Variants in CCDC40 observed in about 807,000 individuals in gnomAD.
CCDC40 encodes the protein coiled-coil domain-containing protein 40.
A neutral mutation model predicts 124.5 loss-of-function variants in CCDC40; 104 were observed. That is an observed-to-expected ratio of 0.84 (90% CI 0.71 to 0.98). The LOEUF is 0.98. Ranked by LOEUF, CCDC40 falls within the 50% of genes least tolerant of loss-of-function variation. CCDC40 has a pLI of 0.00. For missense variants in CCDC40, 1,463 were observed against 1,503.9 expected, an observed-to-expected ratio of 0.97 and a Z score of 0.45; for synonymous variants, 580 against 602.9, an observed-to-expected ratio of 0.96 and a Z score of 0.56.
Position 80,086,111 on chromosome 17 carries a change from C to G in CCDC40, c.2344C>G (p.Gln782Glu). Residue 782 changes from glutamine to glutamate, a missense_variant, in exon 14 of 20, where the codon CAG (glutamine) becomes GAG (glutamate). Transcript: ENST00000397545. The surrounding 1 kb of genome is among the most constrained non-coding windows in gnomAD (Gnocchi z 5.5). ...CCAGGTGACCTGGCTGCGCCTGCAG[C>G]AGGAGATGGTCAAGGTGACACAGGA... Reference protein sequence around the residue: ...QAQVTWLRLQQEMVKVTQEQE... With the variant: ...QAQVTWLRLQEEMVKVTQEQE... 6.2e-7 allele frequency: 1 copy of G among 1,614,180 alleles called. No homozygotes were observed. The highest frequency in any genetic ancestry group is 1.1e-5 in the South Asian group (1 of 91,088).
At position 80,048,587 on chromosome 17, in the gene CCDC40, C is replaced by G; in HGVS notation, c.681C>G (p.Ile227Met). The G allele has an allele frequency of 6.2e-7, 1 of 1,611,750 alleles. No individual in the cohort carries two copies. The highest frequency in any genetic ancestry group is 8.5e-7 in the Non-Finnish European group (1 of 1,178,380). Reference sequence around the variant, plus strand: ...TGTCGCTGTCTCTCCCCCCAGTGATCCCCCCAGGGGTGCCCGATGCCCACC... The same window carrying G: ...TGTCGCTGTCTCTCCCCCCAGTGATGCCCCCAGGGGTGCCCGATGCCCACC... ...LEEFVSQEPV[I>M]PPGVPDAHPR... is the part of the protein sequence containing the mutation. Residue 227 changes from isoleucine to methionine, a missense_variant, in exon 5 of 20, where the codon ATC becomes ATG. Physicochemically the swap from Ile to Met is conservative, Grantham distance 10. Coordinates refer to ENST00000397545, the MANE Select transcript of CCDC40 (RefSeq NM_017950.4).
At chr17:80,098,285 A>G (rs866447324) in intron 19 of CCDC40, among the ~76,000 whole-genome samples, 4 of 152,344 alleles carry the variant, frequency 2.6e-5, no homozygotes, top group Middle Eastern at 3.4e-3. Context: ...GGAGAGCACA[A>G]TCATGACTTT....
chr17:80,042,535 C>T (rs1017058228), intron 3 of CCDC40, among the ~76,000 whole-genome samples: 3 of 152,126 alleles, frequency 2.0e-5, no homozygotes, highest in African/African-American at 7.2e-5. Flanking sequence ...TGCTAAAGTC[C>T]CTCACTAGTT....
intron 10 of CCDC40, among the ~76,000 whole-genome samples, chr17:80,077,767 G>A (rs546622716): frequency 2.2e-4 from 34 of 152,134 alleles, no homozygotes; most frequent in Non-Finnish European, 4.4e-4. Context: ...CGGCTTATTC[G>A]CTATTCCTGT....
chr17:80,053,562 G>A (rs2037660015), intron 7 of CCDC40, among the ~76,000 whole-genome samples: 1 of 152,162 alleles, frequency 6.6e-6, no homozygotes. Flanking sequence ...AATGCATACA[G>A]AATTCAGAAT....
chr17:80,040,626 C>G (rs550744407), intron 3 of CCDC40: 2 of 312,246 alleles, frequency 6.4e-6, no homozygotes, highest in African/African-American at 4.4e-5. Context: ...CTGCAGTGAG[C>G]CAAGATCCCA....
At chr17:80,082,765 GC>G (rs1456168112) in intron 12 of CCDC40, among the ~76,000 whole-genome samples, 3 of 152,056 alleles carry the variant, frequency 2.0e-5, no homozygotes, top group Non-Finnish European at 4.4e-5. Context: ...CAATCCCCAG[GC>G]CCCCGGGCCC....
At chr17:80,095,224 G>C (rs2038786155) in intron 17 of CCDC40, 39 bp from the exon 18 acceptor site, 13 of 1,602,912 alleles carry the variant, frequency 8.1e-6, no homozygotes, top group Non-Finnish European at 1.1e-5. Context: ...CTGCAGCTCA[G>C]GCCTGCCCCA....
In CCDC40 at chr17:80,050,062, A is replaced by G. The variant is rs750708201; in HGVS notation, c.940-2A>G. Reference sequence around the variant, plus strand: ...GTGACCCTGTTTCTCTCTTTGGTCCAGGTTGTGGCTACCAAGCAGAGCCGA... The same window carrying G: ...GTGACCCTGTTTCTCTCTTTGGTCCGGGTTGTGGCTACCAAGCAGAGCCGA... On this transcript the variant is annotated splice_acceptor_variant, in intron 6 of 19. Transcript: ENST00000397545. LOFTEE classifies it high-confidence loss of function. 2.4e-5 allele frequency: 39 copies of G among 1,613,754 alleles called. No individual in the cohort carries two copies. Among genetic ancestry groups the G allele is most frequent in the Non-Finnish European group, 2.9e-5 (34 of 1,179,954 alleles).
chr17:80,050,180 C>T lies in CCDC40; in HGVS notation c.1056C>T (p.His352=), dbSNP rs771256494. 9.9e-6 allele frequency: 16 copies of T among 1,613,090 alleles called. No homozygotes were observed. In the Middle Eastern group the frequency reaches 5.1e-4, roughly 52 times the overall value. Residue 352 remains histidine (H), a synonymous_variant, in exon 7 of 20, where the codon CAC becomes CAT. Transcript: ENST00000397545. ...QKLLEKSHDR[H]AMASSERRQK... is the part of the protein sequence containing the mutation. ...TGCTGGAGAAGAGTCACGACCGCCA[C>T]GCAATGGCCTCGAGCGAGCGCAGGC...
chr17:80,038,020 A>G, intron 1 of CCDC40, 103 bp from the exon 2 acceptor site: 1 of 756,098 alleles, frequency 1.3e-6, no homozygotes, highest in Non-Finnish European at 2.3e-6. Flanking sequence ...GGTGGCAGAG[A>G]AGTAACAAGT....
chr17:80,083,388 C>G (rs1221173452), intron 12 of CCDC40, among the ~76,000 whole-genome samples: 1 of 152,184 alleles, frequency 6.6e-6, no homozygotes, highest in Non-Finnish European at 1.5e-5. Flanking sequence ...TGGGAAGCCG[C>G]CCGTGGTGGC....
intron 17 of CCDC40, chr17:80,090,293 G>C (rs1443091109): frequency 7.7e-7 from 1 of 1,300,056 alleles, no homozygotes; most frequent in Non-Finnish European, 1.0e-6. Flanking sequence ...CACGGGACGC[G>C]CGCAGGCACG....
intron 10 of CCDC40, among the ~76,000 whole-genome samples, chr17:80,079,407 G>A (rs576365613): frequency 6.6e-6 from 1 of 152,068 alleles, no homozygotes; most frequent in Non-Finnish European, 1.5e-5. Context: ...AGTGTGTCCC[G>A]CTCTGCAGCT....
At chr17:80,065,396 AT>A (rs2038016262) in intron 9 of CCDC40, 88 bp from the exon 10 acceptor site, 5 of 1,552,222 alleles carry the variant, frequency 3.2e-6, no homozygotes, top group Middle Eastern at 1.7e-4. Context: ...AAAGAGGAAG[AT>A]TTGGGAATGT....
chr17:80,075,503 C>T (rs898578199), intron 10 of CCDC40, among the ~76,000 whole-genome samples: 1 of 152,164 alleles, frequency 6.6e-6, no homozygotes, highest in Non-Finnish European at 1.5e-5. Context: ...AGTCCCCGCT[C>T]ATGGTCAGGT....
At chr17:80,096,181 T>C (rs2038807330) in intron 18 of CCDC40, among the ~76,000 whole-genome samples, 1 of 152,034 alleles carries the variant, frequency 6.6e-6, no homozygotes, top group South Asian at 2.1e-4. Flanking sequence ...CAGCCGTGGG[T>C]GGGGAGGTGG....
At chr17:80,085,147 C>T (rs918539877) in intron 13 of CCDC40, among the ~76,000 whole-genome samples, 159 bp downstream of exon 13, 1 of 152,246 alleles carries the variant, frequency 6.6e-6, no homozygotes, top group Non-Finnish European at 1.5e-5. Flanking sequence ...GTGTGCCAAG[C>T]GCTCTAAGTC....
chr17:80,086,360 T>C lies in CCDC40; in HGVS notation c.2449+144T>C. On this transcript the variant is annotated intron_variant, in intron 14 of 19. Coordinates refer to ENST00000397545, the MANE Select transcript of CCDC40 (RefSeq NM_017950.4). The surrounding 1 kb of genome is among the most constrained non-coding windows in gnomAD (Gnocchi z 5.5). ...GCAAATAACAAACGCGCATGCTCCC[T>C]GTATTTTGTAAATGTGAACCACTGC... The C allele has an allele frequency of 2.9e-6, 2 of 693,144 alleles. No homozygotes were observed. The highest frequency in any genetic ancestry group is 1.6e-5 in the South Asian group (1 of 61,674). The allele number at this position is 693,144 out of a possible 1,614,324, so 42.9% of individuals were successfully genotyped here.
Sources: gnomAD v4.1 joint callset for allele counts (sites outside exome capture counted in the v4.1 genomes callset) on GRCh38, gnomAD v4.1.1 for gene constraint, Gnocchi (gnomAD v3.1) non-coding constraint, MANE v1.5 for transcripts, NCBI Gene and HGNC (gene_info 2026-07-23, HGNC 2026-07-21) for gene names.